TRIM15: variants seen among roughly 807,000 people sequenced by gnomAD.
TRIM15 encodes the protein tripartite motif containing 15.
TRIM15 carries 35 observed loss-of-function variants against 35.8 expected under a neutral mutation model. That is an observed-to-expected ratio of 0.98 (90% CI 0.75 to 1.30). The LOEUF (loss-of-function observed/expected upper bound fraction) is 1.30. Among genes scored for constraint, TRIM15 ranks in the 50% most tolerant of loss-of-function variants. TRIM15 has a pLI of 0.00. For synonymous variants in TRIM15, 252 were observed against 249.8 expected (o/e 1.01, Z -0.08); for missense variants, 590 against 593.5 (o/e 0.99, Z 0.06).
rs757015864 is a variant in TRIM15 at position 30,172,260 on chromosome 6, A to G, written c.1309A>G (p.Ile437Val). The G allele has an allele frequency of 8.7e-6, 14 of 1,612,758 alleles. No homozygotes were observed. The highest frequency in any genetic ancestry group is 1.3e-5 in the African/African-American group (1 of 74,944). The change falls in exon 7 of 7, where the codon ATC becomes GTC. Residue 437 changes from isoleucine to valine, a missense_variant. Coordinates refer to ENST00000376694, the MANE Select transcript of TRIM15 (RefSeq NM_033229.3). ...TLHNAQTQEP[I>V]FTFTASFSGK... ...CCACAACGCCCAGACCCAGGAGCCC[A>G]TCTTCACCTTCACTGCCTCTTTCTC...
rs1158184867 is a variant in TRIM15 at position 30,167,275 on chromosome 6, C to T, written c.477+4C>T. On this transcript the variant is annotated splice_donor_region_variant and intron_variant, in intron 2 of 6. Coordinates refer to ENST00000376694, the MANE Select transcript of TRIM15 (RefSeq NM_033229.3). ...CCAGAAGCTTCAAGTGCTGCTGGTA[C>T]AGGCCACGTCACTGGCTACCTTTTC... is the stretch of plus-strand genomic sequence containing the variant. 3 of 1,609,712 alleles carry T rather than the reference C, an allele frequency of 1.9e-6. No individual in the cohort carries two copies. Among genetic ancestry groups the T allele is most frequent in the Non-Finnish European group, 2.5e-6 (3 of 1,177,094 alleles).
intron 4 of TRIM15, 115 bp downstream of exon 4, chr6:30,169,378 A>G: frequency 9.1e-7 from 1 of 1,103,080 alleles, no homozygotes; most frequent in Non-Finnish European, 1.4e-6. Flanking sequence ...ACTCTGGCAG[A>G]CACACTGTCT....
rs1289731474 is a variant in TRIM15 at position 30,171,945 on chromosome 6, T to C, written c.994T>C (p.Phe332Leu). 6.3e-7 allele frequency: 1 copy of C among 1,596,282 alleles called. No individual in the cohort carries two copies. The highest frequency in any genetic ancestry group is 8.5e-7 in the Non-Finnish European group (1 of 1,171,546). Reference sequence around the variant, plus strand: ...GAGCCTGCCAGACAGCCCCCTGCGCTTCGACGGCCTCCCGGCGGTTCTGGG... The same window carrying C: ...GAGCCTGCCAGACAGCCCCCTGCGCCTCGACGGCCTCCCGGCGGTTCTGGG... ...KKSLPDSPLR[F>L]DGLPAVLGFP... The change falls in exon 7 of 7, where the codon TTC (phenylalanine) becomes CTC (leucine). Residue 332 changes from phenylalanine (F) to leucine (L), a missense_variant. By Grantham distance (22) the Phe-to-Leu change is conservative (BLOSUM62 0). Coordinates refer to ENST00000376694, the MANE Select transcript of TRIM15 (RefSeq NM_033229.3).
intron 4 of TRIM15, chr6:30,170,215 G>A (rs1286759106): frequency 2.7e-6 from 1 of 368,246 alleles, no homozygotes; most frequent in Non-Finnish European, 4.9e-6. Flanking sequence ...GACCAAAAGG[G>A]GTAATGATCT....
intron 2 of TRIM15, 63 bp from the exon 3 acceptor site, chr6:30,168,237 T>C: frequency 1.4e-6 from 2 of 1,408,982 alleles, no homozygotes; most frequent in African/African-American, 2.8e-5. Context: ...AGTATATAGA[T>C]GATCATCCTG....
chr6:30,171,969 G>A lies in TRIM15; in HGVS notation c.1018G>A (p.Gly340Ser). The A allele has an allele frequency of 6.3e-7, 1 of 1,588,640 alleles. No homozygotes were observed. Among genetic ancestry groups the A allele is most frequent in the Non-Finnish European group, 8.6e-7 (1 of 1,167,214 alleles). The change falls in exon 7 of 7, where the codon GGC becomes AGC. Residue 340 changes from glycine (G) to serine (S), a missense_variant. Coordinates refer to ENST00000376694, the MANE Select transcript of TRIM15 (RefSeq NM_033229.3). Reference protein sequence around the residue: ...LRFDGLPAVLGFPGFSSGRHR... With the variant: ...LRFDGLPAVLSFPGFSSGRHR... ...CTTCGACGGCCTCCCGGCGGTTCTG[G>A]GCTTCCCGGGCTTCTCCTCCGGGCG... is the stretch of plus-strand genomic sequence containing the variant.
chr6:30,172,384 G>A lies in TRIM15; in HGVS notation c.*35G>A. 6.4e-7 allele frequency: 1 copy of A among 1,562,590 alleles called. No individual in the cohort carries two copies. Among genetic ancestry groups the A allele is most frequent in the Non-Finnish European group, 8.6e-7 (1 of 1,157,396 alleles). ...CGCGAAGGGCGGCGAAGCGGAGACGGCGGCTCTCCGGGATCCAGCTCCGCC... is the reference window on the plus strand; with the variant it reads ...CGCGAAGGGCGGCGAAGCGGAGACGACGGCTCTCCGGGATCCAGCTCCGCC... On this transcript the variant is annotated 3_prime_UTR_variant, in exon 7 of 7. Transcript: ENST00000376694.
rs373721924 is a variant in TRIM15, at chr6:30,163,746, G to A, written c.62G>A (p.Gly21Glu). ...CTGCCTGCCTGTACCCTCTGTGCGG[G>A]GCCGCTGGAGGATGCGGTGACCATT... Reference protein sequence around the residue: ...HELPACTLCAGPLEDAVTIPC... With the variant: ...HELPACTLCAEPLEDAVTIPC... Residue 21 changes from glycine to glutamate, a missense_variant, in exon 1 of 7, where the codon GGG (glycine) becomes GAG (glutamate). By Grantham distance (98) the Gly-to-Glu change is moderately conservative. Transcript: ENST00000376694. 6.2e-7 allele frequency: 1 copy of A among 1,612,984 alleles called. No homozygotes were observed.
At chr6:30,171,367 A>G (rs1031084433) in intron 6 of TRIM15, among the ~76,000 whole-genome samples, 11 of 152,212 alleles carry the variant, frequency 7.2e-5, no homozygotes, top group African/African-American at 2.4e-4. Flanking sequence ...TAGTTTTTTG[A>G]GAGCATTGTG....
chr6:30,164,135 G>A (rs1773405720), intron 1 of TRIM15, 70 bp downstream of exon 1: 3 of 1,537,182 alleles, frequency 2.0e-6, no homozygotes, highest in Non-Finnish European at 2.6e-6. Flanking sequence ...GGAGGAAATC[G>A]GGCGGGGATC....
intron 1 of TRIM15, among the ~76,000 whole-genome samples, chr6:30,164,952 C>T (rs1243935764): frequency 2.6e-5 from 4 of 152,172 alleles, no homozygotes; most frequent in Admixed American, 2.6e-4. Flanking sequence ...TCTGGCCAGA[C>T]TGAGCTGCAC....
Position 30,172,436 on chromosome 6 carries a change from C to A in TRIM15, c.*87C>A. 1 of 1,508,960 alleles carries A rather than the reference C, an allele frequency of 6.6e-7. No homozygotes were observed. The highest frequency in any genetic ancestry group is 2.3e-5 in the East Asian group (1 of 44,076). The allele number at this position is 1,508,960 out of a possible 1,614,324, so 93.5% of individuals were successfully genotyped here. On this transcript the variant is annotated 3_prime_UTR_variant, in exon 7 of 7. Transcript: ENST00000376694. ...CTGGCCAGTGTGCGGCCCGGGGGCT[C>A]CCTGTGCCCGCGTGAGGCGAGAGAA...
Position 30,172,605 on chromosome 6 carries a change from T to C in TRIM15, c.*256T>C. On this transcript the variant is annotated 3_prime_UTR_variant, in exon 7 of 7. Coordinates refer to ENST00000376694, the MANE Select transcript of TRIM15 (RefSeq NM_033229.3). The stretch of plus-strand genomic sequence containing the variant: ...AACCACAGACGGCTTCGGCTGTGCC[T>C]AGGGCAACAGCCAACCTAGGAGCCA... 1 of 697,410 alleles carries C rather than the reference T, an allele frequency of 1.4e-6. No individual in the cohort carries two copies. Among genetic ancestry groups the C allele is most frequent in the East Asian group, 2.8e-5 (1 of 36,296 alleles). 43.2% of individuals were successfully genotyped at this position (697,410 alleles called of 1,614,324 possible).
chr6:30,165,809 A>G (rs541641061), intron 1 of TRIM15, among the ~76,000 whole-genome samples: 3 of 152,328 alleles, frequency 2.0e-5, no homozygotes, highest in East Asian at 1.9e-4. Context: ...CTGGTGTGAG[A>G]TGGTATCTCA....
chr6:30,168,607 G>A (rs1209502542), intron 3 of TRIM15, 77 bp downstream of exon 3: 2 of 1,378,356 alleles, frequency 1.5e-6, no homozygotes, highest in Non-Finnish European at 2.0e-6. Context: ...GCTTTGGGCT[G>A]GAGAGAGGCA....
chr6:30,168,712 G>T, intron 3 of TRIM15, 182 bp downstream of exon 3: 1 of 642,488 alleles, frequency 1.6e-6, no homozygotes, highest in East Asian at 2.7e-5. Flanking sequence ...AGGGGTTTAG[G>T]GTCAGACAGT....
At position 30,172,665 on chromosome 6, in the gene TRIM15, T is replaced by A; in HGVS notation, c.*316T>A. On this transcript the variant is annotated 3_prime_UTR_variant, in exon 7 of 7. Transcript: ENST00000376694. The stretch of plus-strand genomic sequence containing the variant: ...CGGGGAAAAAAAAGAAAAAGACATC[T>A]AAAATAAAATGTTTAAACTGTTTCA... The A allele has an allele frequency of 1.7e-6, 1 of 581,978 alleles. No homozygotes were observed. Among genetic ancestry groups the A allele is most frequent in the Non-Finnish European group, 3.1e-6 (1 of 318,918 alleles). 36.1% of individuals were successfully genotyped at this position (581,978 alleles called of 1,614,324 possible).
intron 4 of TRIM15, chr6:30,170,237 C>T: frequency 2.3e-6 from 1 of 431,364 alleles, no homozygotes; most frequent in African/African-American, 2.0e-5. Context: ...TGTCCCTCAG[C>T]CCCTACAGAA....
Position 30,172,303 on chromosome 6 carries a change from TC to T in TRIM15, c.1353del (p.Phe452LeufsTer12). The T allele has an allele frequency of 6.2e-7, 1 of 1,612,532 alleles. No individual in the cohort carries two copies. Among genetic ancestry groups the T allele is most frequent in the East Asian group, 2.2e-5 (1 of 44,880 alleles). Reference sequence around the variant, plus strand: ...TCTTTCTCCGGCAAAGTCTTCCCTTTCTTTGCCGTCTGGAAAAAAGGTTCCT... The same window carrying T: ...TCTTTCTCCGGCAAAGTCTTCCCTTTTTTGCCGTCTGGAAAAAAGGTTCCT... ...TASFSGKVFP[F>X]FAVWKKGSCL... is the part of the protein sequence containing the mutation. On this transcript the variant is annotated frameshift_variant, in exon 7 of 7. Transcript: ENST00000376694. LOFTEE classifies it low-confidence loss of function (END_TRUNC).
Sources: gnomAD v4.1 joint callset for allele counts (sites outside exome capture counted in the v4.1 genomes callset) on GRCh38, gnomAD v4.1.1 for gene constraint, MANE v1.5 for transcripts, NCBI Gene and HGNC (gene_info 2026-07-23, HGNC 2026-07-21) for gene names.